NFATC1: variants seen among roughly 807,000 people sequenced by gnomAD.
NFATC1 encodes the protein nuclear factor of activated T cells 1.
A neutral mutation model predicts 76.0 loss-of-function variants in NFATC1; 22 were observed. The ratio of observed to expected loss-of-function variants is 0.29; its 90% CI spans 0.21 to 0.41. The LOEUF is 0.41. Ranked by LOEUF, NFATC1 falls within the 10% of genes least tolerant of loss-of-function variation. NFATC1 has a pLI of 1.00. For synonymous variants in NFATC1, 704 were observed against 613.1 expected (o/e 1.15, Z -2.19); for missense variants, 1,357 against 1,337.7 (o/e 1.01, Z -0.23).
rs936847795 is a variant in NFATC1, at chr18:79,411,012, T to C, written c.737T>C (p.Val246Ala). Reference protein sequence around the residue: ...HSPSTSPRASVTEESWLGARS... With the variant: ...HSPSTSPRASATEESWLGARS... Reference sequence around the variant, plus strand: ...CCCTCCACCTCGCCCCGCGCCAGCGTCACTGAGGAGAGCTGGCTGGGTGCC... The same window carrying C: ...CCCTCCACCTCGCCCCGCGCCAGCGCCACTGAGGAGAGCTGGCTGGGTGCC... The change falls in exon 2 of 10, where the codon GTC becomes GCC. Residue 246 changes from valine (V) to alanine (A), a missense_variant. This residue lies in a region of NFATC1 where 691 missense variants were observed against 613.1 expected (regional missense o/e 1.13). Coordinates refer to ENST00000427363, the MANE Select transcript of NFATC1 (RefSeq NM_001278669.2). The C allele has an allele frequency of 7.4e-6, 12 of 1,611,210 alleles. No homozygotes were observed. The African/African-American group carries it at 9.4e-5, about 13-fold the overall frequency.
At chr18:79,485,199 A>G (rs919829797) in intron 8 of NFATC1, among the ~76,000 whole-genome samples, 4 of 152,034 alleles carry the variant, frequency 2.6e-5, no homozygotes, top group African/African-American at 9.7e-5. Context: ...CCAAAAACCC[A>G]CCAGTGTGCA....
chr18:79,516,711 C>A (rs929296302), intron 9 of NFATC1, among the ~76,000 whole-genome samples: 2 of 152,168 alleles, frequency 1.3e-5, no homozygotes, highest in South Asian at 4.1e-4. Context: ...AATTAAAAAA[C>A]CCACATGAGA....
rs911851192 is a variant in NFATC1, at chr18:79,524,601, G to T, written c.2783-2927G>T. Among the ~76,000 whole-genome samples the T allele has an allele frequency of 6.6e-6, 1 of 152,192 alleles. No homozygotes were observed. Among genetic ancestry groups the T allele is most frequent in the Non-Finnish European group, 1.5e-5 (1 of 68,008 alleles). ...CGCACCGCCAGCCCGCAGGAGTGAG[G>T]TGCAGGCTGCCGCTGGCTCCTTAGG... On this transcript the variant is annotated intron_variant, in intron 9 of 9. Coordinates refer to ENST00000427363, the MANE Select transcript of NFATC1 (RefSeq NM_001278669.2). The surrounding 1 kb of genome is among the most constrained non-coding windows in gnomAD (Gnocchi z 7.2).
At chr18:79,425,208 T>TGTCTCTGTCTCTCTGTTTCTCTCC (rs2086275280) in intron 2 of NFATC1, among the ~76,000 whole-genome samples, 3 of 152,184 alleles carry the variant, frequency 2.0e-5, no homozygotes, top group Non-Finnish European at 4.4e-5. Flanking sequence ...TTTCTCTCCC[T>TGTCTCTGTCTCTCTGTTTCTCTCC]GTCTCTGTCT....
chr18:79,410,118 G>A lies in NFATC1; in HGVS notation c.128-285G>A, dbSNP rs376768740. 16 of 738,404 alleles carry A rather than the reference G, an allele frequency of 2.2e-5. No individual in the cohort carries two copies. The highest frequency in any genetic ancestry group is 5.1e-5 in the African/African-American group (3 of 58,580). The allele number at this position is 738,404 out of a possible 1,614,324, so 45.7% of individuals were successfully genotyped here. On this transcript the variant is annotated intron_variant, in intron 1 of 9. Transcript: ENST00000427363. This position sits in a 1 kb window ranked among gnomAD's most constrained non-coding sequence, Gnocchi z 6.7. ...GAGCGGAACCCGTGAGGACCCGGCC[G>A]CCTCTCCCTGGGAAGGACGTTCGGG... is the stretch of plus-strand genomic sequence containing the variant.
intron 8 of NFATC1, among the ~76,000 whole-genome samples, chr18:79,481,641 C>T (rs2089274915): frequency 6.6e-6 from 1 of 152,254 alleles, no homozygotes; most frequent in African/African-American, 2.4e-5. Flanking sequence ...CCTTCTTCAG[C>T]CCGAACTAAG....
At chr18:79,425,676 G>A (rs1249716586) in intron 2 of NFATC1, among the ~76,000 whole-genome samples, 2 of 151,636 alleles carry the variant, frequency 1.3e-5, no homozygotes, top group African/African-American at 2.4e-5. Context: ...GAGTCGGGGC[G>A]ACTCATGAGG....
At chr18:79,407,316 G>T (rs1424141625) in intron 1 of NFATC1, among the ~76,000 whole-genome samples, 1 of 152,262 alleles carries the variant, frequency 6.6e-6, no homozygotes, top group African/African-American at 2.4e-5. Flanking sequence ...AGCTGGGGCA[G>T]ATCCTGGGGA....
At chr18:79,440,693 A>T (rs866506186) in intron 3 of NFATC1, among the ~76,000 whole-genome samples, 1 of 152,176 alleles carries the variant, frequency 6.6e-6, no homozygotes, top group South Asian at 2.1e-4. Flanking sequence ...TCCAGTGCTG[A>T]GGGTGGCAGC....
chr18:79,401,512 G>C (rs902428850), intron 1 of NFATC1, among the ~76,000 whole-genome samples: 1 of 152,248 alleles, frequency 6.6e-6, no homozygotes, highest in East Asian at 1.9e-4. Context: ...GCAGATGAGG[G>C]TGGGAGAGAG....
intron 2 of NFATC1, among the ~76,000 whole-genome samples, chr18:79,413,450 C>G (rs1445406170): frequency 2.6e-5 from 4 of 152,180 alleles, no homozygotes; most frequent in African/African-American, 9.7e-5. Flanking sequence ...CCGTCTTCTC[C>G]CCATGACTCC....
chr18:79,498,311 T>TG (rs923355556), intron 9 of NFATC1: 5 of 148,130 alleles, frequency 3.4e-5, no homozygotes, highest in Non-Finnish European at 5.9e-5. Context: ...GTGTGGCAAA[T>TG]ATATCTTACC....
intron 9 of NFATC1, among the ~76,000 whole-genome samples, chr18:79,501,714 C>T (rs1250679757): frequency 2.0e-5 from 3 of 146,436 alleles, no homozygotes; most frequent in Non-Finnish European, 4.4e-5. Context: ...TAAATTATGT[C>T]TATATGCAAG....
intron 9 of NFATC1, among the ~76,000 whole-genome samples, chr18:79,513,699 C>T (rs1046811469): frequency 1.3e-5 from 2 of 152,366 alleles, no homozygotes; most frequent in East Asian, 3.9e-4. Context: ...CCCTCTGACC[C>T]AGGGCTCCCC....
chr18:79,458,876 G>A (rs747111612), intron 6 of NFATC1, among the ~76,000 whole-genome samples: 2 of 152,268 alleles, frequency 1.3e-5, no homozygotes, highest in Non-Finnish European at 2.9e-5. Flanking sequence ...GCTTTGTCTT[G>A]TTCTGGAAGC....
At chr18:79,404,770 G>C (rs1204342338) in intron 1 of NFATC1, among the ~76,000 whole-genome samples, 1 of 152,196 alleles carries the variant, frequency 6.6e-6, no homozygotes, top group Non-Finnish European at 1.5e-5. Context: ...CCTGCCCTGC[G>C]CACAGCGAGT....
chr18:79,413,753 G>A (rs903566908), intron 2 of NFATC1, among the ~76,000 whole-genome samples: 13 of 152,216 alleles, frequency 8.5e-5, no homozygotes, highest in African/African-American at 2.4e-4. Flanking sequence ...CAAGGTGTCC[G>A]CAGGGATGTC....
At chr18:79,515,356 A>AAAG (rs1221043035) in intron 9 of NFATC1, among the ~76,000 whole-genome samples, 1 of 150,886 alleles carries the variant, frequency 6.6e-6, no homozygotes, top group African/African-American at 2.4e-5. Flanking sequence ...AAAAAAAAAA[A>AAAG]AAGAAGGAAG....
At chr18:79,493,608 C>G (rs888543471) in intron 9 of NFATC1, 1 of 152,254 alleles carries the variant, frequency 6.6e-6, no homozygotes, top group Non-Finnish European at 1.5e-5. Context: ...GCCCCTCGCC[C>G]GCCCCTCCTG....
Sources: gnomAD v4.1 joint callset for allele counts (sites outside exome capture counted in the v4.1 genomes callset) on GRCh38, gnomAD v4.1.1 for gene constraint, gnomAD v4.1.1 regional missense constraint, Gnocchi (gnomAD v3.1) non-coding constraint, MANE v1.5 for transcripts, NCBI Gene and HGNC (gene_info 2026-07-23, HGNC 2026-07-21) for gene names.